Variants in URI1 observed in about 807,000 individuals in gnomAD.
URI1 encodes the protein URI1 prefoldin like chaperone.
In URI1, 39 loss-of-function variants were observed where a neutral mutation model predicts 60.2. The observed-to-expected ratio is 0.65, with a 90% CI of 0.50 to 0.85. The LOEUF (loss-of-function observed/expected upper bound fraction) is 0.85. URI1 is among the 40% of genes least tolerant of loss of function. URI1 has a pLI of 0.00. For synonymous variants in URI1, 251 were observed against 236.8 expected, an observed-to-expected ratio of 1.06 and a Z score of -0.55; for missense variants, 691 against 665.9, an observed-to-expected ratio of 1.04 and a Z score of -0.42.
chr19:29,993,826 A>G (rs1427312338), intron 4 of URI1, among the ~76,000 whole-genome samples: 1 of 152,154 alleles, frequency 6.6e-6, no homozygotes, highest in Non-Finnish European at 1.5e-5. Flanking sequence ...TTCCAGGGAT[A>G]TTCTGTGCAT....
At chr19:29,966,168 A>G (rs958773245) in intron 1 of URI1, among the ~76,000 whole-genome samples, 1 of 151,772 alleles carries the variant, frequency 6.6e-6, no homozygotes, top group Admixed American at 6.6e-5. Flanking sequence ...ATTTTTGGGG[A>G]CAGGGTCTCT....
intron 1 of URI1, among the ~76,000 whole-genome samples, chr19:29,934,774 C>T (rs775026469): frequency 1.4e-5 from 2 of 148,002 alleles, no homozygotes; most frequent in Non-Finnish European, 3.0e-5. Flanking sequence ...TCAGGATAGT[C>T]TTGAATCCTG....
intron 1 of URI1, among the ~76,000 whole-genome samples, chr19:29,935,700 C>CTTTTTTTTTTTTT (rs34820413): frequency 4.6e-5 from 6 of 131,834 alleles, no homozygotes; most frequent in African/African-American, 1.7e-4. Flanking sequence ...GGTTGACAGT[C>CTTTTTTTTTTTTT]TTTTTTTTTT....
intron 1 of URI1, among the ~76,000 whole-genome samples, chr19:29,934,963 A>G (rs1257755233): frequency 6.6e-5 from 10 of 152,198 alleles, no homozygotes. Context: ...AATCCATTCT[A>G]TCAATCTCTG....
chr19:29,989,647 T>C (rs1386771686), intron 4 of URI1, among the ~76,000 whole-genome samples: 1 of 152,188 alleles, frequency 6.6e-6, no homozygotes, highest in East Asian at 1.9e-4. Flanking sequence ...GGTCTTGAAC[T>C]CCTGACCTCA....
chr19:29,961,675 G>GTTTTTTTTTTTTTTT (rs200425572), intron 1 of URI1, among the ~76,000 whole-genome samples: 11 of 117,614 alleles, frequency 9.4e-5, no homozygotes, highest in African/African-American at 1.6e-4. Flanking sequence ...TTTTTTTTTT[G>GTTTTTTTTTTTTTTT]TTTTTTTTTT....
At position 29,942,610 on chromosome 19, in the gene URI1, C is replaced by G. The variant is rs978554388; in HGVS notation, c.63C>G (p.Ala21=). 20 of 1,477,126 alleles carry G rather than the reference C, an allele frequency of 1.4e-5. No individual in the cohort carries two copies. Among genetic ancestry groups the G allele is most frequent in the East Asian group, 2.8e-5 (1 of 36,130 alleles). The allele number at this position is 1,477,126 out of a possible 1,614,324, so 91.5% of individuals were successfully genotyped here. ...CGCCCCCTTCGGCCCCGGCCCCTGC[C>G]CTGGTTCCGTTGCGCGCCCCGGATG... ...DPSPPSAPAP[A]LVPLRAPDVA... is the part of the protein sequence containing the mutation. Residue 21 remains alanine (A), a synonymous_variant, in exon 1 of 11, where the codon GCC becomes GCG. Transcript: ENST00000392271.
intron 1 of URI1, among the ~76,000 whole-genome samples, chr19:29,925,329 T>C (rs996826812): frequency 2.6e-5 from 4 of 152,150 alleles, no homozygotes; most frequent in African/African-American, 9.7e-5. Context: ...TTGTCCTGGG[T>C]CCGGTACTTG....
intron 1 of URI1, among the ~76,000 whole-genome samples, chr19:29,944,011 C>T (rs1288987104): frequency 2.7e-5 from 4 of 149,448 alleles, no homozygotes; most frequent in Non-Finnish European, 5.9e-5. Context: ...TGGTGGTGCA[C>T]GCTTGTAGTC....
intron 1 of URI1, among the ~76,000 whole-genome samples, chr19:29,946,849 C>T (rs1357148678): frequency 6.6e-6 from 1 of 152,088 alleles, no homozygotes; most frequent in Non-Finnish European, 1.5e-5. Context: ...GCTGAGTGTG[C>T]AGTAATGAAC....
chr19:29,925,590 T>G (rs527983925), intron 1 of URI1: 4 of 152,370 alleles, frequency 2.6e-5, no homozygotes. Flanking sequence ...AGATGGTGAC[T>G]TTCCCCCAGC....
chr19:29,957,635 A>G lies in URI1; in HGVS notation c.118-13558A>G, dbSNP rs2055266314. On this transcript the variant is annotated intron_variant, in intron 1 of 10. Transcript: ENST00000392271. Reference sequence around the variant, plus strand: ...TCTGACCCTTTGCTTTTTTGTATATATTTTAGGATCACCTTTCCAATACTC... The same window carrying G: ...TCTGACCCTTTGCTTTTTTGTATATGTTTTAGGATCACCTTTCCAATACTC... Among the ~76,000 whole-genome samples the G allele has an allele frequency of 2.0e-5, 3 of 152,016 alleles. 1 individual carries two copies. In the South Asian group the frequency reaches 6.2e-4, roughly 32 times the overall value.
intron 1 of URI1, among the ~76,000 whole-genome samples, chr19:29,969,237 TTTG>T (rs2055428459): frequency 6.6e-6 from 1 of 152,136 alleles, no homozygotes; most frequent in South Asian, 2.1e-4. Context: ...TGAAATGGAT[TTTG>T]TTGTTCGTCT....
chr19:30,011,864 CAG>C (rs1465790557), intron 9 of URI1, among the ~76,000 whole-genome samples: 1 of 131,106 alleles, frequency 7.6e-6, no homozygotes, highest in Non-Finnish European at 1.5e-5. Flanking sequence ...CACTTGGACA[CAG>C]GGTGGGGAAC....
chr19:29,989,202 C>T (rs987823374), intron 4 of URI1, among the ~76,000 whole-genome samples: 8 of 151,296 alleles, frequency 5.3e-5, no homozygotes, highest in South Asian at 2.1e-4. Context: ...CCTTAGCCTC[C>T]GAGGTTCGAG....
In URI1 at chr19:29,986,438, A is replaced by G. The variant is rs552555801; in HGVS notation, c.367+21A>G. The G allele has an allele frequency of 5.3e-5, 85 of 1,599,036 alleles. No individual in the cohort carries two copies. The South Asian group carries it at 8.6e-4, about 16-fold the overall frequency. On this transcript the variant is annotated intron_variant, in intron 4 of 10. Coordinates refer to ENST00000392271, the MANE Select transcript of URI1 (RefSeq NM_003796.3). Reference sequence around the variant, plus strand: ...AGAACGTAGGTACCCATTTTAAATGATGTTTCTTTGTTGTATATGTATCCA... The same window carrying G: ...AGAACGTAGGTACCCATTTTAAATGGTGTTTCTTTGTTGTATATGTATCCA...
chr19:29,987,168 A>G (rs993445287), intron 4 of URI1, among the ~76,000 whole-genome samples: 3 of 152,220 alleles, frequency 2.0e-5, no homozygotes, highest in African/African-American at 7.2e-5. Context: ...ATTTAGATTG[A>G]GAGTATAATA....
intron 1 of URI1, among the ~76,000 whole-genome samples, chr19:29,930,218 C>T (rs1008649197): frequency 6.6e-6 from 1 of 152,110 alleles, no homozygotes; most frequent in Admixed American, 6.6e-5. Context: ...GGATTACACG[C>T]ATGAACCAAT....
chr19:30,005,681 G>A lies in URI1; in HGVS notation c.490G>A (p.Glu164Lys). The change falls in exon 6 of 11, where the codon GAA (glutamate) becomes AAA (lysine). Residue 164 changes from glutamate to lysine, a missense_variant. Transcript: ENST00000392271. ...AAGDIVDIRE[E>K]IKCDFEFKAK... is the part of the protein sequence containing the mutation. ...AGGTGATATTGTTGACATACGAGAA[G>A]AAATTAAATGTGACTTCGAATTTAA... 6.2e-7 allele frequency: 1 copy of A among 1,612,076 alleles called. No individual in the cohort carries two copies. The highest frequency in any genetic ancestry group is 2.2e-5 in the East Asian group (1 of 44,718).
Sources: gnomAD v4.1 joint callset for allele counts (sites outside exome capture counted in the v4.1 genomes callset) on GRCh38, gnomAD v4.1.1 for gene constraint, MANE v1.5 for transcripts, NCBI Gene and HGNC (gene_info 2026-07-23, HGNC 2026-07-21) for gene names.